Variants in ITGAV observed in about 807,000 individuals in gnomAD.
The protein encoded by ITGAV is integrin subunit alpha V, also known as integrin alpha-V.
Under a neutral mutation model 143.8 loss-of-function variants are expected in ITGAV, and 76 were observed. The observed-to-expected ratio is 0.53, with a 90% CI of 0.44 to 0.64. The LOEUF (loss-of-function observed/expected upper bound fraction) is 0.64. Among genes scored for constraint, ITGAV ranks in the 30% least tolerant of loss-of-function variants. The pLI, the probability that ITGAV is intolerant of heterozygous loss-of-function variation, is 0.00. For synonymous variants in ITGAV, 453 were observed against 446.7 expected, an observed-to-expected ratio of 1.01 and a Z score of -0.18; for missense variants, 1,193 against 1,274.7, an observed-to-expected ratio of 0.94 and a Z score of 0.98.
chr2:186,625,402 G>A, intron 3 of ITGAV, 71 bp from the exon 4 acceptor site: 1 of 863,924 alleles, frequency 1.2e-6, no homozygotes, highest in South Asian at 1.5e-5. Context: ...ATATTCTGAA[G>A]TAGTATAGAG....
chr2:186,645,629 T>A (rs944576244), intron 12 of ITGAV, among the ~76,000 whole-genome samples: 2 of 152,040 alleles, frequency 1.3e-5, no homozygotes, highest in Non-Finnish European at 2.9e-5. Flanking sequence ...TTTGGCCCTT[T>A]TGAAGAGAAA....
At chr2:186,608,562 T>A (rs1687129473) in intron 2 of ITGAV, among the ~76,000 whole-genome samples, 1 of 152,178 alleles carries the variant, frequency 6.6e-6, no homozygotes, top group Non-Finnish European at 1.5e-5. Flanking sequence ...TCTGCCATAC[T>A]GGTAGTCTTA....
chr2:186,638,446 A>C lies in ITGAV; in HGVS notation c.884A>C (p.Tyr295Ser), dbSNP rs1039670607. ...GATGGGAAGAACATGTCCTCCTTAT[A>C]CAATTTTACTGGCGAGCAGGTATGC... ...IYDGKNMSSL[Y>S]NFTGEQMAAY... Residue 295 changes from tyrosine to serine, a missense_variant, in exon 10 of 30, where the codon TAC becomes TCC. Physicochemically the swap from Tyr to Ser is moderately radical, Grantham distance 144. Transcript: ENST00000261023. 10 of 1,611,212 alleles carry C rather than the reference A, an allele frequency of 6.2e-6. No individual in the cohort carries two copies. The highest frequency in any genetic ancestry group is 1.7e-5 in the Admixed American group (1 of 59,994).
chr2:186,646,083 C>T (rs1055768090), intron 12 of ITGAV, among the ~76,000 whole-genome samples: 2 of 152,268 alleles, frequency 1.3e-5, no homozygotes, highest in Non-Finnish European at 2.9e-5. Context: ...ATTGGTAATA[C>T]ATTTTAGAGG....
intron 20 of ITGAV, 64 bp from the exon 21 acceptor site, chr2:186,665,062 C>A: frequency 9.4e-7 from 1 of 1,058,772 alleles, no homozygotes; most frequent in Non-Finnish European, 1.4e-6. Context: ...ACTGAAATAT[C>A]CAACTGCGTG....
intron 7 of ITGAV, among the ~76,000 whole-genome samples, chr2:186,636,709 T>A (rs1003763228): frequency 2.6e-5 from 4 of 152,222 alleles, no homozygotes; most frequent in Non-Finnish European, 5.9e-5. Context: ...GTTCTCTCTT[T>A]CAATTTCTTT....
intron 1 of ITGAV, among the ~76,000 whole-genome samples, chr2:186,599,344 C>T (rs996595970): frequency 5.9e-5 from 9 of 152,156 alleles, no homozygotes; most frequent in East Asian, 1.9e-4. Context: ...CCTCTTTCGA[C>T]GCTTCCCCTG....
rs201025247 is a variant in ITGAV at position 186,638,305 on chromosome 2, A to G, written c.831A>G (p.Ala277=). 94 of 1,613,852 alleles carry G rather than the reference A, an allele frequency of 5.8e-5. No individual in the cohort carries two copies. The highest frequency in any genetic ancestry group is 7.9e-5 in the Non-Finnish European group (93 of 1,179,888). ...TTGTTTCAGGAGTTCCAAGAGCAGC[A>G]AGGACTTTGGGAATGGTAGGACAGT... The part of the protein sequence containing the change: ...DDFVSGVPRA[A]RTLGMVYIYD... The change falls in exon 9 of 30, where the codon GCA becomes GCG. Residue 277 remains alanine, a synonymous_variant. Coordinates refer to ENST00000261023, the MANE Select transcript of ITGAV (RefSeq NM_002210.5).
At chr2:186,604,369 A>G (rs1031940123) in intron 2 of ITGAV, among the ~76,000 whole-genome samples, 2 of 152,122 alleles carry the variant, frequency 1.3e-5, no homozygotes, top group Non-Finnish European at 2.9e-5. Flanking sequence ...ATACTATTCT[A>G]TTGTATATGT....
In ITGAV at chr2:186,590,437, A is replaced by G. The variant is rs1316751167; in HGVS notation, c.99A>G (p.Leu33=). ...LLLPLCRAFN[L]DVDSPAEYSG... is the part of the protein sequence containing the mutation. ...TACCTCTGTGCCGCGCCTTCAACCTAGACGTGGACAGTCCTGCCGAGTACT... is the reference window on the plus strand; with the variant it reads ...TACCTCTGTGCCGCGCCTTCAACCTGGACGTGGACAGTCCTGCCGAGTACT... The change falls in exon 1 of 30, where the codon CTA becomes CTG. Residue 33 remains leucine, a synonymous_variant. Transcript: ENST00000261023. 15 of 1,612,946 alleles carry G rather than the reference A, an allele frequency of 9.3e-6. No individual in the cohort carries two copies. Among genetic ancestry groups the G allele is most frequent in the Non-Finnish European group, 1.3e-5 (15 of 1,179,774 alleles).
Position 186,646,897 on chromosome 2 carries a change from T to TAG in ITGAV, c.1351+23_1351+24dup. On this transcript the variant is annotated intron_variant, in intron 13 of 29. Coordinates refer to ENST00000261023, the MANE Select transcript of ITGAV (RefSeq NM_002210.5). ...ATCCAGGTGCTTTCTTATCAACACA[T>TAG]AGAGCCCTTAGATTTTTCAGTCCTA... 6.6e-7 allele frequency: 1 copy of TAG among 1,511,510 alleles called. No individual in the cohort carries two copies. Among genetic ancestry groups the TAG allele is most frequent in the Non-Finnish European group, 8.9e-7 (1 of 1,117,624 alleles). The allele number at this position is 1,511,510 out of a possible 1,614,324, so 93.6% of individuals were successfully genotyped here. A position where few individuals can be genotyped will look rare whatever the true frequency, so the allele number is the denominator to read the frequency against.
At chr2:186,659,566 T>C (rs984491158) in intron 18 of ITGAV, among the ~76,000 whole-genome samples, 5 of 151,984 alleles carry the variant, frequency 3.3e-5, no homozygotes, top group Non-Finnish European at 7.4e-5. Context: ...AATAATTCTT[T>C]TCAGAAAACC....
intron 5 of ITGAV, among the ~76,000 whole-genome samples, chr2:186,632,801 G>C: frequency 6.6e-6 from 1 of 151,916 alleles, no homozygotes; most frequent in East Asian, 1.9e-4. Flanking sequence ...ATAATACTTC[G>C]CATTAGTCCT....
chr2:186,641,028 C>A, intron 11 of ITGAV, 61 bp downstream of exon 11: 2 of 1,228,526 alleles, frequency 1.6e-6, no homozygotes, highest in South Asian at 2.7e-5. Flanking sequence ...ATACTTTACT[C>A]AAACTAAACA....
intron 13 of ITGAV, among the ~76,000 whole-genome samples, chr2:186,649,001 TACAC>T (rs372602309): frequency 2.6e-4 from 2 of 7,664 alleles, no homozygotes; most frequent in Non-Finnish European, 4.6e-4. Flanking sequence ...TGTATATATA[TACAC>T]ATTTGTGTGT....
chr2:186,656,307 T>C lies in ITGAV; in HGVS notation c.1625T>C (p.Leu542Pro), dbSNP rs779346870. The C allele has an allele frequency of 2.5e-6, 4 of 1,587,302 alleles. No individual in the cohort carries two copies. The highest frequency in any genetic ancestry group is 1.2e-5 in the South Asian group (1 of 86,100). Residue 542 changes from leucine to proline, a missense_variant, in exon 17 of 30, where the codon CTG (leucine) becomes CCG (proline). By Grantham distance (98) the Leu-to-Pro change is moderately conservative. Transcript: ENST00000261023. ...CAAAAGGGAGCAATTCGACGAGCAC[T>C]GTTTCTCTACAGCAGGTCCCCAAGT... ...LKQKGAIRRALFLYSRSPSHS... is the reference protein window; with the variant it reads ...LKQKGAIRRAPFLYSRSPSHS...
chr2:186,658,215 ACTGT>A (rs1250681883), intron 17 of ITGAV, among the ~76,000 whole-genome samples: 2 of 152,166 alleles, frequency 1.3e-5, no homozygotes, highest in Admixed American at 6.5e-5. Flanking sequence ...GAAATATGTG[ACTGT>A]CTTTTTTAAG....
Position 186,649,841 on chromosome 2 carries a change from CTT to C in ITGAV, c.1354_1355del (p.Leu452AsnfsTer26). The part of the protein sequence containing the change: ...TDIDKNGYPD[L>X]IVGAFGVDRA... ...CATGTTTTTCCACTCTTTCTTAAGA[CTT>C]AATTGTAGGAGCTTTTGGTGTAGAT... is the stretch of plus-strand genomic sequence containing the variant. On this transcript the variant is annotated frameshift_variant and splice_region_variant, in exon 14 of 30. Coordinates refer to ENST00000261023, the MANE Select transcript of ITGAV (RefSeq NM_002210.5). LOFTEE classifies it high-confidence loss of function. The C allele has an allele frequency of 1.3e-6, 2 of 1,588,916 alleles. No individual in the cohort carries two copies. Among genetic ancestry groups the C allele is most frequent in the Non-Finnish European group, 1.7e-6 (2 of 1,165,156 alleles).
chr2:186,607,310 G>A (rs1687094473), intron 2 of ITGAV, among the ~76,000 whole-genome samples: 1 of 152,150 alleles, frequency 6.6e-6, no homozygotes, highest in Non-Finnish European at 1.5e-5. Context: ...GTAATTATAT[G>A]ATGTGGGAGA....
Sources: allele counts gnomAD v4.1 joint callset (sites outside exome capture counted in the v4.1 genomes callset), GRCh38; gene constraint gnomAD v4.1.1; transcripts MANE v1.5; gene names NCBI Gene and HGNC (gene_info 2026-07-23, HGNC 2026-07-21).